SEMA3E: variants seen among roughly 807,000 people sequenced by gnomAD.
SEMA3E encodes the protein semaphorin-3E.
A neutral mutation model predicts 93.6 loss-of-function variants in SEMA3E; 49 were observed. The ratio of observed to expected loss-of-function variants is 0.52; its 90% confidence interval spans 0.42 to 0.66. SEMA3E has a LOEUF of 0.66. SEMA3E is among the 30% of genes least tolerant of loss of function. SEMA3E has a pLI of 0.00. For synonymous variants in SEMA3E, 363 were observed against 330.7 expected (o/e 1.10, Z -1.06); for missense variants, 906 against 964.8 (o/e 0.94, Z 0.81).
At chr7:83,511,409 A>C (rs777134403) in intron 1 of SEMA3E, among the ~76,000 whole-genome samples, 7 of 152,088 alleles carry the variant, frequency 4.6e-5, no homozygotes, top group Non-Finnish European at 8.8e-5. Context: ...TAGTTGCCCC[A>C]ATGATTACAG....
At chr7:83,440,661 AAATT>A (rs927248948) in intron 4 of SEMA3E, among the ~76,000 whole-genome samples, 3 of 152,210 alleles carry the variant, frequency 2.0e-5, no homozygotes, top group Admixed American at 2.0e-4. Context: ...ACTTAGATAA[AAATT>A]AGCTGGGCAT....
Position 83,585,233 on chromosome 7 carries a change from A to C in SEMA3E, c.115+63195T>G, listed in dbSNP as rs1334685251. Among the ~76,000 whole-genome samples the C allele has an allele frequency of 1.3e-5, 2 of 152,106 alleles. 1 individual carries two copies. Among genetic ancestry groups the C allele is most frequent in the South Asian group, 4.1e-4 (2 of 4,828 alleles). On this transcript the variant is annotated intron_variant, in intron 1 of 16. Coordinates refer to ENST00000643230, the MANE Select transcript of SEMA3E (RefSeq NM_012431.3). Reference sequence around the variant, plus strand: ...CTCTCACCATCCCACCTAAACAAAGATTCCTTCACTTTTCTCTACCAGAGC... The same window carrying C: ...CTCTCACCATCCCACCTAAACAAAGCTTCCTTCACTTTTCTCTACCAGAGC...
At chr7:83,633,732 C>T (rs181369736) in intron 1 of SEMA3E, among the ~76,000 whole-genome samples, 1 of 152,070 alleles carries the variant, frequency 6.6e-6, no homozygotes, top group Non-Finnish European at 1.5e-5. Flanking sequence ...GGGCAACCGG[C>T]TGCAGTAGCA....
At chr7:83,382,109 T>C (rs1194520780) in intron 16 of SEMA3E, among the ~76,000 whole-genome samples, 1 of 152,042 alleles carries the variant, frequency 6.6e-6, no homozygotes, top group Non-Finnish European at 1.5e-5. Context: ...TTTCCATTTG[T>C]GTTATGTCCC....
chr7:83,594,849 T>A (rs575612060), intron 1 of SEMA3E, among the ~76,000 whole-genome samples: 7 of 151,834 alleles, frequency 4.6e-5, no homozygotes, highest in African/African-American at 1.7e-4. Context: ...AAATAAATGG[T>A]CTGAATGATT....
In SEMA3E at chr7:83,406,792, G is replaced by A. The variant is rs554773431; in HGVS notation, c.813+305C>T. 3.9e-5 allele frequency among the ~76,000 whole-genome samples: 6 copies of A among 152,110 alleles called. No individual in the cohort carries two copies. In the South Asian group the frequency reaches 1.2e-3, roughly 32 times the overall value. On this transcript the variant is annotated intron_variant, in intron 7 of 16. Transcript: ENST00000643230. ...ACTGTGTACTAAAGGAATAAAAAAGGTTTTGATCAAATTCATTAAGAAAAA... is the reference window on the plus strand; with the variant it reads ...ACTGTGTACTAAAGGAATAAAAAAGATTTTGATCAAATTCATTAAGAAAAA...
chr7:83,474,095 T>TAAAAAAAA (rs11324407), intron 2 of SEMA3E, among the ~76,000 whole-genome samples: 11 of 108,584 alleles, frequency 1.0e-4, no homozygotes, highest in East Asian at 5.0e-4. Flanking sequence ...CTATCTCAAT[T>TAAAAAAAA]AAAAAAAAAA....
At chr7:83,422,916 A>G (rs1788698324) in intron 4 of SEMA3E, among the ~76,000 whole-genome samples, 1 of 152,332 alleles carries the variant, frequency 6.6e-6, no homozygotes, top group African/African-American at 2.4e-5. Flanking sequence ...GCATAGATGA[A>G]TAAAATGCAG....
intron 1 of SEMA3E, among the ~76,000 whole-genome samples, chr7:83,508,613 C>A (rs556332811): frequency 6.6e-6 from 1 of 152,116 alleles, no homozygotes; most frequent in South Asian, 2.1e-4. Context: ...GTAACTCCTT[C>A]TATAAAATCA....
At chr7:83,526,510 A>G (rs948317079) in intron 1 of SEMA3E, among the ~76,000 whole-genome samples, 3 of 152,072 alleles carry the variant, frequency 2.0e-5, no homozygotes, top group African/African-American at 7.2e-5. Context: ...TTTGAATCCA[A>G]CCTCTGCCCT....
At chr7:83,397,400 C>A (rs1310193260) in intron 11 of SEMA3E, among the ~76,000 whole-genome samples, 4 of 152,026 alleles carry the variant, frequency 2.6e-5, no homozygotes, top group African/African-American at 9.7e-5. Context: ...CCAAAAGCTA[C>A]TTTTATGGTA....
intron 5 of SEMA3E, among the ~76,000 whole-genome samples, chr7:83,410,078 T>A (rs1788409294): frequency 6.6e-6 from 1 of 151,720 alleles, no homozygotes; most frequent in Admixed American, 6.6e-5. Flanking sequence ...CTTTTTCATT[T>A]TAAAAAGATA....
At chr7:83,623,279 T>C (rs1170294929) in intron 1 of SEMA3E, among the ~76,000 whole-genome samples, 4 of 152,046 alleles carry the variant, frequency 2.6e-5, no homozygotes, top group Non-Finnish European at 2.9e-5. Flanking sequence ...AATAATAAAA[T>C]TGGGTACATG....
At chr7:83,410,722 A>G (rs555781185) in intron 5 of SEMA3E, among the ~76,000 whole-genome samples, 90 of 152,244 alleles carry the variant, frequency 5.9e-4, no homozygotes, top group Non-Finnish European at 9.7e-4. Context: ...CATTAAAAGG[A>G]CTTTGGAATC....
intron 2 of SEMA3E, among the ~76,000 whole-genome samples, chr7:83,489,494 C>T (rs1306043892): frequency 6.6e-6 from 1 of 151,698 alleles, no homozygotes; most frequent in African/African-American, 2.4e-5. Flanking sequence ...GCACTTATGC[C>T]AAAAATATTG....
chr7:83,476,611 T>C (rs1185962485), intron 2 of SEMA3E, among the ~76,000 whole-genome samples: 2 of 152,208 alleles, frequency 1.3e-5, no homozygotes, highest in East Asian at 3.8e-4. Flanking sequence ...TGACAATATA[T>C]GGCAAAGAAA....
intron 16 of SEMA3E, among the ~76,000 whole-genome samples, chr7:83,378,339 C>T (rs1787697738): frequency 6.6e-6 from 1 of 151,794 alleles, no homozygotes. Context: ...ATATTCTCTC[C>T]CACATGTTCT....
chr7:83,475,656 C>A (rs1208709870), intron 2 of SEMA3E, among the ~76,000 whole-genome samples: 2 of 148,172 alleles, frequency 1.3e-5, no homozygotes, highest in African/African-American at 5.0e-5. Context: ...CTGCTGTGTG[C>A]CATGAGTAAT....
Position 83,407,235 on chromosome 7 carries a change from T to G in SEMA3E, c.675A>C (p.Pro225=). 1 of 1,612,868 alleles carries G rather than the reference T, an allele frequency of 6.2e-7. No homozygotes were observed. Among genetic ancestry groups the G allele is most frequent in the Non-Finnish European group, 8.5e-7 (1 of 1,179,578 alleles). ...GAATCATGTATGAACCTACAAATTTTGGTTCTATAGGAGCAAAAAATAGGA... is the reference window on the plus strand; with the variant it reads ...GAATCATGTATGAACCTACAAATTTGGGTTCTATAGGAGCAAAAAATAGGA... ...EHDDERLLKE[P]KFVGSYMIPD... The change falls in exon 7 of 17, where the codon CCA becomes CCC. Residue 225 remains proline (P), a synonymous_variant. Coordinates refer to ENST00000643230, the MANE Select transcript of SEMA3E (RefSeq NM_012431.3).
Sources: gnomAD v4.1 joint callset for allele counts (sites outside exome capture counted in the v4.1 genomes callset) on GRCh38, gnomAD v4.1.1 for gene constraint, MANE v1.5 for transcripts, NCBI Gene and HGNC (gene_info 2026-07-23, HGNC 2026-07-21) for gene names.